Variants in AKAP6 observed in about 807,000 individuals in gnomAD.
AKAP6 encodes the protein A-kinase anchoring protein 6, also known as A-kinase anchor protein 6.
In AKAP6, 58 loss-of-function variants were observed where a neutral mutation model predicts 188.5. The ratio of observed to expected loss-of-function variants is 0.31; its 90% CI spans 0.25 to 0.38. The LOEUF (loss-of-function observed/expected upper bound fraction) is 0.38, where lower values mean the gene tolerates loss of function less well. AKAP6 is among the 10% of genes least tolerant of loss of function. The pLI is 1.00. For missense variants in AKAP6, 2,710 were observed against 2,740.0 expected, an observed-to-expected ratio of 0.99 and a Z score of 0.24; for synonymous variants, 989 against 998.6, an observed-to-expected ratio of 0.99 and a Z score of 0.18.
chr14:32,422,229 A>G (rs1041452372), intron 1 of AKAP6, among the ~76,000 whole-genome samples: 1 of 152,192 alleles, frequency 6.6e-6, no homozygotes. Context: ...GTTCTGCCCA[A>G]GATTTCTGAT....
At chr14:32,719,676 G>A (rs1307665682) in intron 9 of AKAP6, among the ~76,000 whole-genome samples, 3 of 152,160 alleles carry the variant, frequency 2.0e-5, no homozygotes, top group Non-Finnish European at 2.9e-5. Context: ...GGAAAAGCAC[G>A]TTTCAGAATG....
intron 12 of AKAP6, among the ~76,000 whole-genome samples, chr14:32,786,296 A>ATGTTTGTTTTTTTTTTTT: frequency 1.1e-5 from 1 of 93,706 alleles, no homozygotes; most frequent in Non-Finnish European, 2.1e-5. Context: ...CTAAACCTTT[A>ATGTTTGTTTTTTTTTTTT]TCTTTTTTTT....
intron 2 of AKAP6, among the ~76,000 whole-genome samples, chr14:32,463,837 A>G (rs750552671): frequency 4.6e-5 from 7 of 152,200 alleles, no homozygotes; most frequent in Non-Finnish European, 1.0e-4. Context: ...CAAAATACAT[A>G]GACTGCTAGC....
At chr14:32,726,444 G>A in intron 9 of AKAP6, among the ~76,000 whole-genome samples, 1 of 152,194 alleles carries the variant, frequency 6.6e-6, no homozygotes, top group East Asian at 1.9e-4. Context: ...TTTAATTTTT[G>A]TAATTTGATT....
intron 1 of AKAP6, among the ~76,000 whole-genome samples, chr14:32,414,199 G>A (rs981702727): frequency 2.6e-5 from 4 of 151,976 alleles, no homozygotes; most frequent in African/African-American, 9.7e-5. Context: ...ATTTCATAAG[G>A]TCTAGAATCA....
chr14:32,583,961 C>T (rs895054372), intron 5 of AKAP6, among the ~76,000 whole-genome samples: 18 of 152,232 alleles, frequency 1.2e-4, no homozygotes, highest in African/African-American at 1.2e-4. Flanking sequence ...TGCTTTGGCT[C>T]GCGCACGGTG....
intron 6 of AKAP6, among the ~76,000 whole-genome samples, chr14:32,600,421 TG>T (rs1190384921): frequency 6.6e-6 from 1 of 152,232 alleles, no homozygotes; most frequent in Admixed American, 6.5e-5. Context: ...GTCATCTATG[TG>T]GTTATCACAT....
chr14:32,566,978 G>T (rs192336139), intron 4 of AKAP6, among the ~76,000 whole-genome samples: 2 of 151,954 alleles, frequency 1.3e-5, no homozygotes, highest in African/African-American at 4.8e-5. Flanking sequence ...AGGCTAGAGC[G>T]CAGTAGTGAA....
chr14:32,574,155 T>C (rs1884621173), intron 4 of AKAP6, among the ~76,000 whole-genome samples: 1 of 152,198 alleles, frequency 6.6e-6, no homozygotes, highest in South Asian at 2.1e-4. Context: ...GCTTTTATTA[T>C]AAGTTCGGAA....
At chr14:32,410,719 G>A (rs1889454980) in intron 1 of AKAP6, among the ~76,000 whole-genome samples, 1 of 152,090 alleles carries the variant, frequency 6.6e-6, no homozygotes, top group East Asian at 1.9e-4. Flanking sequence ...TATTTATGGG[G>A]TAAAGTAAAT....
chr14:32,536,855 A>G (rs60363306), intron 3 of AKAP6, among the ~76,000 whole-genome samples: 5,259 of 152,236 alleles, frequency 0.035, 130 homozygotes, highest in East Asian at 0.074. Flanking sequence ...CGGATACCAT[A>G]TATGGATACG....
intron 12 of AKAP6, among the ~76,000 whole-genome samples, chr14:32,801,479 T>G (rs1409824605): frequency 6.6e-6 from 1 of 152,228 alleles, no homozygotes; most frequent in Non-Finnish European, 1.5e-5. Flanking sequence ...TTTATTCATA[T>G]GTATGGCCTA....
chr14:32,492,963 TG>T (rs1177929483), intron 2 of AKAP6, among the ~76,000 whole-genome samples: 1 of 152,338 alleles, frequency 6.6e-6, no homozygotes, highest in Middle Eastern at 3.4e-3. Context: ...ATTGTGAATT[TG>T]CTTTGACTAT....
chr14:32,822,714 A>C lies in AKAP6; in HGVS notation c.4901A>C (p.Asp1634Ala). ...SVGELSKRTL[D>A]LLNRLENIQS... ...GGTGAACTAAGTAAAAGAACATTAGATCTCCTGAATCGTTTGGAGAATATC... is the reference window on the plus strand; with the variant it reads ...GGTGAACTAAGTAAAAGAACATTAGCTCTCCTGAATCGTTTGGAGAATATC... The change falls in exon 13 of 14, where the codon GAT becomes GCT. Residue 1634 changes from aspartate to alanine, a missense_variant. Transcript: ENST00000280979. 1.2e-6 allele frequency: 2 copies of C among 1,613,966 alleles called. No homozygotes were observed. Among genetic ancestry groups the C allele is most frequent in the African/African-American group, 2.7e-5 (2 of 75,026 alleles).
At chr14:32,673,191 A>G (rs1412180043) in intron 7 of AKAP6, among the ~76,000 whole-genome samples, 1 of 152,154 alleles carries the variant, frequency 6.6e-6, no homozygotes, top group Non-Finnish European at 1.5e-5. Flanking sequence ...TTTGGCTCCA[A>G]TGCCACTTCT....
chr14:32,559,487 C>T (rs901595927), intron 4 of AKAP6, among the ~76,000 whole-genome samples: 3 of 152,172 alleles, frequency 2.0e-5, no homozygotes, highest in African/African-American at 7.2e-5. Flanking sequence ...ATAGTTTGGA[C>T]TTTAAGTCAC....
chr14:32,476,903 A>AG (rs1566527150), intron 2 of AKAP6, among the ~76,000 whole-genome samples: 1 of 152,178 alleles, frequency 6.6e-6, no homozygotes, highest in Non-Finnish European at 1.5e-5. Flanking sequence ...CAATACACAG[A>AG]GGTTATACAT....
At chr14:32,827,045 A>G (rs1375478201) in intron 13 of AKAP6, among the ~76,000 whole-genome samples, 1 of 152,216 alleles carries the variant, frequency 6.6e-6, no homozygotes, top group Non-Finnish European at 1.5e-5. Context: ...AATTTTTACC[A>G]GACGTTAGCA....
intron 12 of AKAP6, among the ~76,000 whole-genome samples, chr14:32,783,597 T>C (rs758316592): frequency 3.3e-4 from 50 of 152,218 alleles, no homozygotes; most frequent in Non-Finnish European, 5.4e-4. Flanking sequence ...TAAATGAAAA[T>C]GGGCATTCCT....
Sources: allele counts gnomAD v4.1 joint callset (sites outside exome capture counted in the v4.1 genomes callset), GRCh38; gene constraint gnomAD v4.1.1; transcripts MANE v1.5; gene names NCBI Gene and HGNC (gene_info 2026-07-23, HGNC 2026-07-21).